The following ICA1L variants were observed in gnomAD, a reference collection of about 807,000 sequenced individuals.
ICA1L encodes the protein islet cell autoantigen 1 like.
In ICA1L, 50 loss-of-function variants were observed where a neutral mutation model predicts 61.3. The observed-to-expected ratio is 0.82, with a 90% CI of 0.65 to 1.03. The LOEUF is 1.03. ICA1L is among the 50% of genes least tolerant of loss of function. ICA1L has a pLI of 0.00. For missense variants in ICA1L, 508 were observed against 556.7 expected (o/e 0.91, Z 0.88); for synonymous variants, 161 against 191.3 (o/e 0.84, Z 1.31).
chr2:202,825,550 C>T, intron 3 of ICA1L, 145 bp downstream of exon 3: 1 of 1,349,994 alleles, frequency 7.4e-7, no homozygotes, highest in South Asian at 1.8e-5. Flanking sequence ...ATACTGGGGC[C>T]TTTGAGAACA....
intron 9 of ICA1L, among the ~76,000 whole-genome samples, chr2:202,799,397 C>T (rs1374974526): frequency 1.3e-5 from 2 of 152,128 alleles, no homozygotes; most frequent in Admixed American, 6.5e-5. Context: ...TTTCATATAC[C>T]TATTGACCAT....
At chr2:202,840,586 C>G (rs1255144304) in intron 1 of ICA1L, 4 of 565,234 alleles carry the variant, frequency 7.1e-6, no homozygotes, top group Non-Finnish European at 1.4e-5. Flanking sequence ...CCAACTGGCT[C>G]TCCTCGCCCT....
intron 1 of ICA1L, chr2:202,840,973 TCTC>T (rs1450912930): frequency 1.5e-6 from 1 of 686,214 alleles, no homozygotes; most frequent in Non-Finnish European, 2.8e-6. Context: ...TGGTTGGCCA[TCTC>T]CTCATACTGC....
chr2:202,779,674 T>C (rs369093718), intron 12 of ICA1L, 26 bp from the exon 13 acceptor site: 12 of 1,289,262 alleles, frequency 9.3e-6, no homozygotes, highest in Non-Finnish European at 1.3e-5. Flanking sequence ...AAAAATACAT[T>C]AAAGAGATTC....
intron 9 of ICA1L, among the ~76,000 whole-genome samples, chr2:202,810,248 T>C (rs1052502568): frequency 6.6e-6 from 1 of 152,142 alleles, no homozygotes; most frequent in Non-Finnish European, 1.5e-5. Context: ...CCAGCGAAAA[T>C]ATCCTCCAAA....
At chr2:202,788,806 T>A in intron 11 of ICA1L, 24 bp downstream of exon 11, 1 of 1,613,096 alleles carries the variant, frequency 6.2e-7, no homozygotes, top group Non-Finnish European at 8.5e-7. Context: ...AGCACATATG[T>A]CCAAATGTTT....
chr2:202,810,892 C>A (rs540190678), intron 9 of ICA1L, among the ~76,000 whole-genome samples: 2 of 152,076 alleles, frequency 1.3e-5, no homozygotes, highest in Non-Finnish European at 2.9e-5. Context: ...CTTATTAGGA[C>A]GAGGAAATTC....
chr2:202,796,997 C>G (rs368573390), intron 9 of ICA1L, 33 bp from the exon 10 acceptor site: 52 of 1,452,404 alleles, frequency 3.6e-5, no homozygotes, highest in Admixed American at 5.7e-5. Flanking sequence ...AGAAGTTGAA[C>G]AAGAAGAAAT....
Position 202,821,453 on chromosome 2 carries a change from C to A in ICA1L, c.264G>T (p.Gly88=), listed in dbSNP as rs773357371. The change falls in exon 4 of 13, where the codon GGG becomes GGT. Residue 88 remains glycine (G), a synonymous_variant. Coordinates refer to ENST00000358299, the MANE Select transcript of ICA1L (RefSeq NM_001288622.3). ...GTTCTGCTTGAAATTTTAAAAAGAG[C>A]CCTAGCTCATTTTCTTCCTCTGATA... The part of the protein sequence containing the change: ...NVISEEENEL[G]LFLKFQAERD... 1.2e-5 allele frequency: 20 copies of A among 1,610,852 alleles called. No individual in the cohort carries two copies. Among genetic ancestry groups the A allele is most frequent in the Admixed American group, 1.7e-5 (1 of 59,560 alleles).
chr2:202,819,480 A>T (rs1693635513), intron 5 of ICA1L: 5 of 515,216 alleles, frequency 9.7e-6, no homozygotes, highest in Non-Finnish European at 1.4e-5. Flanking sequence ...GAGACAGATT[A>T]AAAAATTAAT....
chr2:202,789,013 G>A lies in ICA1L; in HGVS notation c.1060C>T (p.Leu354=). 1.2e-6 allele frequency: 2 copies of A among 1,613,500 alleles called. No individual in the cohort carries two copies. The highest frequency in any genetic ancestry group is 1.7e-6 in the Non-Finnish European group (2 of 1,179,560). ...CTAGTACTTGAAGAACCAGAACTTA[G>A]GAGGTTGTTCAGAAATGAGAATTCC... The part of the protein sequence containing the change: ...EKEFSFLNNL[L]SSGSSSTSEF... Residue 354 remains leucine (L), a synonymous_variant, in exon 11 of 13, where the codon CTA becomes TTA. Coordinates refer to ENST00000358299, the MANE Select transcript of ICA1L (RefSeq NM_001288622.3).
chr2:202,780,556 T>G (rs1692370203), intron 12 of ICA1L, among the ~76,000 whole-genome samples: 1 of 151,452 alleles, frequency 6.6e-6, no homozygotes, highest in Non-Finnish European at 1.5e-5. Context: ...AGCCAAGGAG[T>G]CCACAAGGCA....
intron 1 of ICA1L, among the ~76,000 whole-genome samples, chr2:202,838,389 T>A (rs1327434420): frequency 6.6e-6 from 1 of 152,200 alleles, no homozygotes; most frequent in Admixed American, 6.5e-5. Flanking sequence ...TGAGAAGAAT[T>A]TGTATTCTGT....
intron 1 of ICA1L, among the ~76,000 whole-genome samples, chr2:202,836,824 GATATAGATACAGAT>G (rs944783671): frequency 1.0e-4 from 15 of 148,946 alleles, no homozygotes; most frequent in Non-Finnish European, 1.6e-4. Context: ...TAGATATATA[GATATAGATACAGAT>G]ATATAGATAT....
At chr2:202,792,518 A>G (rs1227539840) in intron 10 of ICA1L, among the ~76,000 whole-genome samples, 3 of 152,192 alleles carry the variant, frequency 2.0e-5, no homozygotes, top group Non-Finnish European at 4.4e-5. Flanking sequence ...AAAAAGTAAT[A>G]AACTGGCCGG....
chr2:202,848,214 C>T (rs772894952), intron 1 of ICA1L, among the ~76,000 whole-genome samples: 5 of 152,126 alleles, frequency 3.3e-5, no homozygotes, highest in East Asian at 3.9e-4. Context: ...CCACCTGCCT[C>T]GGTCTGCCAA....
At chr2:202,850,122 A>G (rs1352232182) in intron 1 of ICA1L, among the ~76,000 whole-genome samples, 1 of 152,188 alleles carries the variant, frequency 6.6e-6, no homozygotes, top group Non-Finnish European at 1.5e-5. Context: ...ACCCCCATAC[A>G]AAAACCCCAT....
At chr2:202,793,125 A>G (rs1195277990) in intron 10 of ICA1L, among the ~76,000 whole-genome samples, 1 of 152,190 alleles carries the variant, frequency 6.6e-6, no homozygotes, top group Non-Finnish European at 1.5e-5. Context: ...GGTGAAATTT[A>G]TGGTATTTAA....
At chr2:202,859,991 A>G (rs1694867122) in intron 1 of ICA1L, among the ~76,000 whole-genome samples, 1 of 152,144 alleles carries the variant, frequency 6.6e-6, no homozygotes, top group Non-Finnish European at 1.5e-5. Flanking sequence ...ACATGCATTA[A>G]GAACATTTTT....
Sources: gnomAD v4.1 joint callset for allele counts (sites outside exome capture counted in the v4.1 genomes callset) on GRCh38, gnomAD v4.1.1 for gene constraint, MANE v1.5 for transcripts, NCBI Gene and HGNC (gene_info 2026-07-23, HGNC 2026-07-21) for gene names.